The following FRMD4A variants were observed in gnomAD, a reference collection of about 807,000 sequenced individuals.
FRMD4A encodes FERM domain-containing protein 4A.
A neutral mutation model predicts 129.1 loss-of-function variants in FRMD4A; 29 were observed. That is an observed-to-expected ratio of 0.22 (90% CI 0.17 to 0.31). The LOEUF (loss-of-function observed/expected upper bound fraction) is 0.31, where lower values mean the gene tolerates loss of function less well. FRMD4A is among the 10% of genes least tolerant of loss of function. The pLI, the probability that FRMD4A is intolerant of heterozygous loss-of-function variation, is 1.00. For missense variants in FRMD4A, 1,272 were observed against 1,375.8 expected (o/e 0.92, Z 1.19); for synonymous variants, 634 against 571.6 (o/e 1.11, Z -1.56).
intron 5 of FRMD4A, among the ~76,000 whole-genome samples, chr10:13,789,537 A>C (rs2092943499): frequency 6.7e-6 from 1 of 149,028 alleles, no homozygotes; most frequent in African/African-American, 2.5e-5. Context: ...TTCTGAGCAC[A>C]AAGTTGTGCC....
At chr10:14,094,674 T>C (rs990241155) in intron 2 of FRMD4A, among the ~76,000 whole-genome samples, 10 of 152,322 alleles carry the variant, frequency 6.6e-5, no homozygotes, top group South Asian at 2.1e-4. Flanking sequence ...CTCTCTCTAT[T>C]GGGCATGCAG....
chr10:14,290,606 A>AATTGAGT (rs1765539381), intron 2 of FRMD4A, among the ~76,000 whole-genome samples: 1 of 152,108 alleles, frequency 6.6e-6, no homozygotes, highest in African/African-American at 2.4e-5. Context: ...AAACTTAAGC[A>AATTGAGT]CAAGACCTAG....
At chr10:14,069,344 C>T (rs1411632672) in intron 2 of FRMD4A, among the ~76,000 whole-genome samples, 7 of 152,172 alleles carry the variant, frequency 4.6e-5, no homozygotes, top group African/African-American at 1.2e-4. Flanking sequence ...ATGGGTCCTA[C>T]GCAGCATAGG....
chr10:14,293,997 G>T (rs770971812), intron 2 of FRMD4A, among the ~76,000 whole-genome samples: 1 of 152,164 alleles, frequency 6.6e-6, no homozygotes, highest in South Asian at 2.1e-4. Flanking sequence ...AAAACTAAAT[G>T]TATTACTTGG....
intron 2 of FRMD4A, among the ~76,000 whole-genome samples, chr10:13,983,870 G>C (rs2095571325): frequency 6.6e-6 from 1 of 152,012 alleles, no homozygotes; most frequent in Non-Finnish European, 1.5e-5. Flanking sequence ...GGGCATGATG[G>C]CGGGCACCTA....
At chr10:13,901,842 C>T (rs1326219811) in intron 2 of FRMD4A, among the ~76,000 whole-genome samples, 1 of 152,138 alleles carries the variant, frequency 6.6e-6, no homozygotes, top group African/African-American at 2.4e-5. Flanking sequence ...GGGCAGGAAG[C>T]TGGCCCCCAG....
intron 2 of FRMD4A, among the ~76,000 whole-genome samples, chr10:14,245,913 C>T (rs1474256303): frequency 6.6e-6 from 1 of 152,314 alleles, no homozygotes; most frequent in East Asian, 1.9e-4. Flanking sequence ...CTCTGAAAAC[C>T]CTCGTTGGAT....
chr10:13,918,133 T>A (rs1174673589), intron 2 of FRMD4A, among the ~76,000 whole-genome samples: 2 of 152,236 alleles, frequency 1.3e-5, no homozygotes, highest in African/African-American at 4.8e-5. Flanking sequence ...TTACTTCCTA[T>A]ATTGCATGTT....
intron 2 of FRMD4A, among the ~76,000 whole-genome samples, chr10:13,903,993 C>T (rs2094851242): frequency 6.6e-6 from 1 of 152,156 alleles, no homozygotes; most frequent in Non-Finnish European, 1.5e-5. Context: ...TAACCGATTG[C>T]CTCCCTATCT....
chr10:14,038,076 A>G (rs1833585763), intron 2 of FRMD4A, among the ~76,000 whole-genome samples: 1 of 152,238 alleles, frequency 6.6e-6, no homozygotes. Flanking sequence ...TAATCCCAGC[A>G]TTTTGGGAGG....
intron 2 of FRMD4A, among the ~76,000 whole-genome samples, chr10:14,067,095 A>G (rs1016501179): frequency 6.6e-5 from 10 of 152,028 alleles, no homozygotes; most frequent in Non-Finnish European, 1.0e-4. Flanking sequence ...AGGTGGGTGG[A>G]TCATGAGGTC....
chr10:13,990,712 G>A (rs1034307933), intron 2 of FRMD4A, among the ~76,000 whole-genome samples: 9 of 152,130 alleles, frequency 5.9e-5, no homozygotes, highest in Admixed American at 2.6e-4. Flanking sequence ...GCCCTAGGAC[G>A]GTGACCTCTC....
At chr10:14,273,749 G>A (rs1845243101) in intron 2 of FRMD4A, among the ~76,000 whole-genome samples, 1 of 152,160 alleles carries the variant, frequency 6.6e-6, no homozygotes, top group South Asian at 2.1e-4. Context: ...GGGGCTCCAG[G>A]TCCTCCAGGA....
chr10:14,176,868 C>T (rs978377316), intron 2 of FRMD4A, among the ~76,000 whole-genome samples: 3 of 152,190 alleles, frequency 2.0e-5, no homozygotes, highest in East Asian at 1.9e-4. Flanking sequence ...AAGGAAATCA[C>T]TCTTGTTTAC....
Position 13,881,007 on chromosome 10 carries a change from G to A in FRMD4A, c.46-22095C>T, listed in dbSNP as rs75477983. Among the ~76,000 whole-genome samples the A allele has an allele frequency of 8.1e-3, 1,225 of 152,134 alleles. 18 individuals are homozygous for A. Among genetic ancestry groups the A allele is most frequent in the African/African-American group, 0.028 (1,179 of 41,498 alleles). On this transcript the variant is annotated intron_variant, in intron 2 of 24. Coordinates refer to ENST00000357447, the MANE Select transcript of FRMD4A (RefSeq NM_018027.5). The stretch of plus-strand genomic sequence containing the variant: ...TGGAATGTTCAAGGCATACCAATAG[G>A]TATGTGTTGAATGATTGAATGGGTG...
chr10:13,714,059 T>TATATATAA lies in FRMD4A; in HGVS notation c.760-6947_760-6946insTTATATAT, dbSNP rs1207471495. On this transcript the variant is annotated intron_variant, in intron 12 of 24. Coordinates refer to ENST00000357447, the MANE Select transcript of FRMD4A (RefSeq NM_018027.5). ...ATATATATATATATATATATATATA[T>TATATATAA]AAAATATACTTTTTTTTTGAGACAC... Among the ~76,000 whole-genome samples the TATATATAA allele has an allele frequency of 5.2e-4, 53 of 101,300 alleles. 6 individuals are homozygous for TATATATAA. In the South Asian group the frequency reaches 8.7e-3, roughly 17 times the overall value. The allele number at this position is 101,300 out of a possible 152,430, so 66.5% of individuals were successfully genotyped here. A position where few individuals can be genotyped will look rare whatever the true frequency, so the allele number is the denominator to read the frequency against.
chr10:13,797,600 T>A (rs2093149236), intron 4 of FRMD4A, among the ~76,000 whole-genome samples: 1 of 152,042 alleles, frequency 6.6e-6, no homozygotes, highest in Admixed American at 6.5e-5. Context: ...AGCTGAAGAA[T>A]CCTCTCTTTC....
intron 2 of FRMD4A, among the ~76,000 whole-genome samples, chr10:14,005,072 G>A (rs901629878): frequency 6.6e-6 from 1 of 150,582 alleles, no homozygotes; most frequent in Non-Finnish European, 1.5e-5. Context: ...CACCAGGCTC[G>A]AGTGCAGTGG....
chr10:13,781,866 G>T (rs1260200846), intron 6 of FRMD4A, among the ~76,000 whole-genome samples: 2 of 152,150 alleles, frequency 1.3e-5, no homozygotes, highest in Non-Finnish European at 2.9e-5. Flanking sequence ...TTTCAGTTTA[G>T]CAGATGAAAA....
Sources: gnomAD v4.1 joint callset for allele counts (sites outside exome capture counted in the v4.1 genomes callset) on GRCh38, gnomAD v4.1.1 for gene constraint, MANE v1.5 for transcripts, NCBI Gene and HGNC (gene_info 2026-07-23, HGNC 2026-07-21) for gene names.